PIEZO2: variants seen among roughly 807,000 people sequenced by gnomAD.
The protein encoded by PIEZO2 is piezo type mechanosensitive ion channel component 2, also known as piezo-type mechanosensitive ion channel component 2.
A neutral mutation model predicts 337.3 loss-of-function variants in PIEZO2; 172 were observed. That is an observed-to-expected ratio of 0.51 (90% confidence interval 0.45 to 0.58). The LOEUF (loss-of-function observed/expected upper bound fraction) is 0.58. Among genes scored for constraint, PIEZO2 ranks in the 20% least tolerant of loss-of-function variants. The pLI is 0.00. For missense variants in PIEZO2, 3,028 were observed against 3,391.3 expected (o/e 0.89, Z 2.66); for synonymous variants, 1,251 against 1,228.5 (o/e 1.02, Z -0.38).
intron 4 of PIEZO2, among the ~76,000 whole-genome samples, chr18:10,871,894 T>C (rs2042149118): frequency 6.6e-6 from 1 of 152,212 alleles, no homozygotes; most frequent in Non-Finnish European, 1.5e-5. Context: ...TTGTCTTCTG[T>C]ATTGTTCCAA....
At chr18:10,786,115 C>T (rs1263967876) in intron 16 of PIEZO2, among the ~76,000 whole-genome samples, 1 of 152,196 alleles carries the variant, frequency 6.6e-6, no homozygotes, top group South Asian at 2.1e-4. Context: ...AATGCTTCAA[C>T]TGTAGTTTAA....
At position 10,993,295 on chromosome 18, in the gene PIEZO2, A is replaced by G. The variant is rs1483476722; in HGVS notation, c.161-13635T>C. Among the ~76,000 whole-genome samples, 1 of 152,062 alleles carries G rather than the reference A, an allele frequency of 6.6e-6. No individual in the cohort carries two copies. ...GAGTGGTGAGAGAGTGCCGGTTTTC[A>G]AAGGGAATGCTTCCAGTTTTTGCCC... On this transcript the variant is annotated intron_variant, in intron 2 of 55. Transcript: ENST00000674853. This position sits in a 1 kb window ranked among gnomAD's most constrained non-coding sequence, Gnocchi z 5.0.
chr18:11,013,456 A>C (rs113668340), intron 2 of PIEZO2, among the ~76,000 whole-genome samples: 133 of 152,324 alleles, frequency 8.7e-4, no homozygotes, highest in African/African-American at 3.0e-3. Context: ...TTAAGCCGCC[A>C]AGTTTGCAGT....
chr18:10,786,403 G>T (rs907596819), intron 16 of PIEZO2, among the ~76,000 whole-genome samples: 5 of 152,196 alleles, frequency 3.3e-5, no homozygotes, highest in African/African-American at 1.2e-4. Context: ...AGCTGTGTTG[G>T]TGTAGTTACA....
intron 7 of PIEZO2, among the ~76,000 whole-genome samples, chr18:10,814,852 A>G (rs1042431071): frequency 2.0e-5 from 3 of 152,230 alleles, no homozygotes; most frequent in South Asian, 2.1e-4. Context: ...AGGGGAACAC[A>G]TGACAAGCAG....
At chr18:10,698,047 G>T (rs1374696934) in intron 44 of PIEZO2, among the ~76,000 whole-genome samples, 167 bp from the exon 45 acceptor site, 1 of 73,230 alleles carries the variant, frequency 1.4e-5, no homozygotes, top group Non-Finnish European at 2.7e-5. Flanking sequence ...TGCTCCCATC[G>T]CAGGCCTGTG....
At chr18:10,932,843 G>A (rs900784686) in intron 3 of PIEZO2, among the ~76,000 whole-genome samples, 1 of 151,960 alleles carries the variant, frequency 6.6e-6, no homozygotes, top group Non-Finnish European at 1.5e-5. Context: ...AGAATCACTT[G>A]AGCCTAGGAG....
At position 11,102,694 on chromosome 18, in the gene PIEZO2, C is replaced by T. The variant is rs1384849224; in HGVS notation, c.65-36472G>A. On this transcript the variant is annotated intron_variant, in intron 1 of 55. Transcript: ENST00000674853. This position sits in a 1 kb window ranked among gnomAD's most constrained non-coding sequence, Gnocchi z 5.7. ...TCTCCAGAGGGAAAGGCACTGCCCC[C>T]TTCCAATTGCAGACTGATTCCCCTC... Among the ~76,000 whole-genome samples, 1 of 152,200 alleles carries T rather than the reference C, an allele frequency of 6.6e-6. No individual in the cohort carries two copies. The highest frequency in any genetic ancestry group is 2.4e-5 in the African/African-American group (1 of 41,454).
chr18:10,793,156 G>A (rs1336506424), intron 13 of PIEZO2, among the ~76,000 whole-genome samples: 1 of 152,202 alleles, frequency 6.6e-6, no homozygotes, highest in Non-Finnish European at 1.5e-5. Context: ...CTACTCGGGA[G>A]GCTGAGGCAG....
At chr18:10,729,623 C>CAAAAAAA (rs374976832) in intron 36 of PIEZO2, among the ~76,000 whole-genome samples, 2 of 124,682 alleles carry the variant, frequency 1.6e-5, no homozygotes, top group Admixed American at 1.7e-4. Context: ...GACTCTGTCT[C>CAAAAAAA]AAAAAAAAAA....
At chr18:10,934,861 A>G (rs1439822930) in intron 3 of PIEZO2, among the ~76,000 whole-genome samples, 1 of 152,224 alleles carries the variant, frequency 6.6e-6, no homozygotes, top group Non-Finnish European at 1.5e-5. Flanking sequence ...TACAAATAGT[A>G]ACTCATTTTA....
chr18:11,071,256 A>T (rs1004754215), intron 1 of PIEZO2, among the ~76,000 whole-genome samples: 12 of 152,216 alleles, frequency 7.9e-5, no homozygotes, highest in African/African-American at 2.9e-4. Flanking sequence ...AATATAGGTG[A>T]TCTGCAAGAA....
At chr18:10,887,580 T>G (rs1434042954) in intron 4 of PIEZO2, among the ~76,000 whole-genome samples, 1 of 152,154 alleles carries the variant, frequency 6.6e-6, no homozygotes, top group African/African-American at 2.4e-5. Context: ...GAAACCAGCA[T>G]TGACACAACA....
At chr18:10,694,520 C>T (rs989660777) in intron 47 of PIEZO2, among the ~76,000 whole-genome samples, 1 of 152,056 alleles carries the variant, frequency 6.6e-6, no homozygotes, top group Non-Finnish European at 1.5e-5. Context: ...TTCAGAGATA[C>T]CTGAGGATGT....
chr18:10,719,020 AATAAATTT>A (rs942138197), intron 36 of PIEZO2, among the ~76,000 whole-genome samples: 3 of 150,598 alleles, frequency 2.0e-5, no homozygotes, highest in Non-Finnish European at 3.0e-5. Flanking sequence ...TAAATAAATA[AATAAATTT>A]GCTATGAGGT....
rs1246795583 is a variant in PIEZO2 at position 10,862,393 on chromosome 18, A to T, written c.493-5182T>A. Among the ~76,000 whole-genome samples the T allele has an allele frequency of 6.6e-6, 1 of 152,136 alleles. No individual in the cohort carries two copies. Among genetic ancestry groups the T allele is most frequent in the Admixed American group, 6.5e-5 (1 of 15,272 alleles). On this transcript the variant is annotated intron_variant, in intron 5 of 55. Coordinates refer to ENST00000674853, the MANE Select transcript of PIEZO2 (RefSeq NM_001378183.1). The surrounding 1 kb of genome is among the most constrained non-coding windows in gnomAD (Gnocchi z 4.4). Reference sequence around the variant, plus strand: ...CTGTTCTCTGTTAGGGCCCTGAATGAGGGCCTAAACACAAAGCTCTCATCC... The same window carrying T: ...CTGTTCTCTGTTAGGGCCCTGAATGTGGGCCTAAACACAAAGCTCTCATCC...
rs1180456901 is a variant in PIEZO2, at chr18:10,895,394, C to T, written c.329+15792G>A. Among the ~76,000 whole-genome samples, 3 of 151,818 alleles carry T rather than the reference C, an allele frequency of 2.0e-5. No homozygotes were observed. In the South Asian group the frequency reaches 6.3e-4, roughly 32 times the overall value. ...CTGGGTGGCAGAGGTTGCAGTGAGC[C>T]GAGATTGCACCACAGCACTCCAGCC... On this transcript the variant is annotated intron_variant, in intron 4 of 55. Coordinates refer to ENST00000674853, the MANE Select transcript of PIEZO2 (RefSeq NM_001378183.1). This position sits in a 1 kb window ranked among gnomAD's most constrained non-coding sequence, Gnocchi z 4.8.
chr18:11,123,476 G>A (rs985380105), intron 1 of PIEZO2, among the ~76,000 whole-genome samples: 1 of 152,124 alleles, frequency 6.6e-6, no homozygotes, highest in Non-Finnish European at 1.5e-5. Context: ...TGTGAAATGT[G>A]ACCACAGTAT....
In PIEZO2 at chr18:10,677,424, G is replaced by A. The variant is rs1452035726; in HGVS notation, c.8081+323C>T. On this transcript the variant is annotated intron_variant, in intron 53 of 55. Coordinates refer to ENST00000674853, the MANE Select transcript of PIEZO2 (RefSeq NM_001378183.1). This position sits in a 1 kb window ranked among gnomAD's most constrained non-coding sequence, Gnocchi z 4.1. Reference sequence around the variant, plus strand: ...GTAGAGACAGGGTTTCACCATGTTGGTCAGGCTGGTCTTGAACTCCCGACC... The same window carrying A: ...GTAGAGACAGGGTTTCACCATGTTGATCAGGCTGGTCTTGAACTCCCGACC... 4.1e-6 allele frequency: 1 copy of A among 244,312 alleles called. No homozygotes were observed. The highest frequency in any genetic ancestry group is 7.9e-6 in the Non-Finnish European group (1 of 126,372). The allele number at this position is 244,312 out of a possible 1,614,324, so 15.1% of individuals were successfully genotyped here.
Sources: gnomAD v4.1 joint callset for allele counts (sites outside exome capture counted in the v4.1 genomes callset) on GRCh38, gnomAD v4.1.1 for gene constraint, Gnocchi (gnomAD v3.1) non-coding constraint, MANE v1.5 for transcripts, NCBI Gene and HGNC (gene_info 2026-07-23, HGNC 2026-07-21) for gene names.